The following MACROD2 variants were observed in gnomAD, a reference collection of about 807,000 sequenced individuals.
The protein encoded by MACROD2 is ADP-ribose glycohydrolase MACROD2.
MACROD2 carries 36 observed loss-of-function variants against 70.4 expected under a neutral mutation model. The observed-to-expected ratio is 0.51, with a 90% CI of 0.39 to 0.68. MACROD2 has a LOEUF of 0.68. Among genes scored for constraint, MACROD2 ranks in the 30% least tolerant of loss-of-function variants. The pLI is 0.00. For missense variants in MACROD2, 496 were observed against 538.4 expected, an observed-to-expected ratio of 0.92 and a Z score of 0.78; for synonymous variants, 172 against 178.8, an observed-to-expected ratio of 0.96 and a Z score of 0.30.
chr20:15,065,585 C>T (rs2075567582), intron 5 of MACROD2, among the ~76,000 whole-genome samples: 1 of 147,712 alleles, frequency 6.8e-6, no homozygotes, highest in Non-Finnish European at 1.5e-5. Flanking sequence ...ACCTGGGAGG[C>T]GGAGCTTGCA....
chr20:15,753,487 G>A (rs1217491666), intron 8 of MACROD2, among the ~76,000 whole-genome samples: 1 of 152,162 alleles, frequency 6.6e-6, no homozygotes, highest in Non-Finnish European at 1.5e-5. Flanking sequence ...TGGTGTATAT[G>A]TACCACATTT....
intron 6 of MACROD2, among the ~76,000 whole-genome samples, chr20:15,424,753 C>G (rs920211810): frequency 6.6e-6 from 1 of 152,094 alleles, no homozygotes; most frequent in Non-Finnish European, 1.5e-5. Context: ...GAATGGTATT[C>G]TGAATTTCAT....
At chr20:15,770,084 ATTTTCTTTTT>A (rs1280805037) in intron 8 of MACROD2, among the ~76,000 whole-genome samples, 1 of 125,704 alleles carries the variant, frequency 8.0e-6, no homozygotes, top group Non-Finnish European at 1.6e-5. Context: ...ATTTATTTTA[ATTTTCTTTTT>A]TTTTTTTTTT....
chr20:14,880,748 T>C (rs2073601976), intron 5 of MACROD2, among the ~76,000 whole-genome samples: 1 of 152,192 alleles, frequency 6.6e-6, no homozygotes, highest in Non-Finnish European at 1.5e-5. Context: ...AAAGACAAAC[T>C]GAAAAGAACT....
rs571116214 is a variant in MACROD2 at position 14,319,234 on chromosome 20, C to G, written c.272-174245C>G. 1.3e-3 allele frequency among the ~76,000 whole-genome samples: 203 copies of G among 152,312 alleles called. 1 individual carries two copies. Among genetic ancestry groups the G allele is most frequent in the African/African-American group, 4.7e-3 (194 of 41,568 alleles). ...CTTCATACCAACTCATTCCATCTCT[C>G]TCAGTGACTTTGTTCTCCTAGCTAG... On this transcript the variant is annotated intron_variant, in intron 3 of 17. Transcript: ENST00000684519.
chr20:14,282,152 G>T (rs2122409776), intron 3 of MACROD2, among the ~76,000 whole-genome samples: 1 of 151,960 alleles, frequency 6.6e-6, no homozygotes, highest in South Asian at 2.1e-4. Flanking sequence ...ATATTGTTTT[G>T]GTTGAATTAT....
At chr20:14,018,080 C>A (rs187941439) in intron 2 of MACROD2, among the ~76,000 whole-genome samples, 101 of 152,192 alleles carry the variant, frequency 6.6e-4, no homozygotes, top group Admixed American at 5.5e-3. Flanking sequence ...TTTGGCATAT[C>A]ATTTTTCATT....
At chr20:14,200,022 A>G (rs1453479386) in intron 3 of MACROD2, among the ~76,000 whole-genome samples, 2 of 152,184 alleles carry the variant, frequency 1.3e-5, no homozygotes, top group African/African-American at 2.4e-5. Flanking sequence ...GTGTTTCCCA[A>G]TAGCAAAGAC....
intron 4 of MACROD2, among the ~76,000 whole-genome samples, chr20:14,548,057 G>A (rs1215124471): frequency 6.6e-6 from 1 of 152,136 alleles, no homozygotes; most frequent in East Asian, 1.9e-4. Context: ...TGGTAAAATA[G>A]ACTACACCTC....
chr20:15,906,079 G>A (rs1475920576), intron 10 of MACROD2, among the ~76,000 whole-genome samples: 5 of 152,196 alleles, frequency 3.3e-5, no homozygotes, highest in African/African-American at 1.2e-4. Context: ...AAGTAGATAT[G>A]GGGTTTGAGA....
intron 9 of MACROD2, among the ~76,000 whole-genome samples, chr20:15,874,305 A>G (rs1379844353): frequency 6.6e-6 from 1 of 151,906 alleles, no homozygotes; most frequent in African/African-American, 2.4e-5. Flanking sequence ...TTCTTTATCC[A>G]GTCTATTATT....
intron 6 of MACROD2, among the ~76,000 whole-genome samples, chr20:15,410,533 G>A (rs767082209): frequency 1.8e-4 from 27 of 152,062 alleles, no homozygotes; most frequent in Non-Finnish European, 3.5e-4. Flanking sequence ...AGTCCATTTG[G>A]CAAATATTGT....
chr20:14,615,152 AG>A (rs1441720730), intron 4 of MACROD2, among the ~76,000 whole-genome samples: 2 of 152,090 alleles, frequency 1.3e-5, no homozygotes, highest in African/African-American at 4.8e-5. Flanking sequence ...GTTGGGCTGC[AG>A]GGGGCCAGGT....
rs144061635 is a variant in MACROD2, at chr20:15,236,501, T to C, written c.540+6440T>C. 4.9e-3 allele frequency among the ~76,000 whole-genome samples: 747 copies of C among 152,306 alleles called. 3 individuals are homozygous for C. Among genetic ancestry groups the C allele is most frequent in the African/African-American group, 0.017 (706 of 41,568 alleles). ...TATAGTAATAAGAATAGCAAATGTTTCTGAACTCCCACTTGGTGCCAGGCA... is the reference window on the plus strand; with the variant it reads ...TATAGTAATAAGAATAGCAAATGTTCCTGAACTCCCACTTGGTGCCAGGCA... On this transcript the variant is annotated intron_variant, in intron 6 of 17. Coordinates refer to ENST00000684519, the MANE Select transcript of MACROD2 (RefSeq NM_001351661.2).
intron 3 of MACROD2, among the ~76,000 whole-genome samples, chr20:14,116,289 A>G (rs1039177648): frequency 1.3e-5 from 2 of 152,216 alleles, no homozygotes; most frequent in Non-Finnish European, 2.9e-5. Flanking sequence ...TCTTCTCACT[A>G]TGGTGATTTG....
chr20:14,973,874 G>T (rs1031551982), intron 5 of MACROD2, among the ~76,000 whole-genome samples: 2 of 152,116 alleles, frequency 1.3e-5, no homozygotes, highest in Non-Finnish European at 2.9e-5. Flanking sequence ...AATAGAAAGT[G>T]TCAGTTACTA....
chr20:15,334,032 G>A (rs2423932), intron 6 of MACROD2, among the ~76,000 whole-genome samples: 58,129 of 151,064 alleles, frequency 0.38, 11,727 homozygotes, highest in East Asian at 0.61. Flanking sequence ...TAGGTCCTCA[G>A]TTATCATTCT....
intron 5 of MACROD2, among the ~76,000 whole-genome samples, chr20:14,788,238 G>A (rs915294366): frequency 5.3e-5 from 8 of 152,032 alleles, no homozygotes; most frequent in African/African-American, 9.7e-5. Flanking sequence ...ACTTGCTGCA[G>A]CCTCTGGGGA....
chr20:15,952,198 A>G (rs942229267), intron 12 of MACROD2, among the ~76,000 whole-genome samples: 11 of 152,280 alleles, frequency 7.2e-5, no homozygotes, highest in African/African-American at 2.6e-4. Context: ...CTGTAAGTCC[A>G]TTAAACCTGT....
Sources: gnomAD v4.1 joint callset for allele counts (sites outside exome capture counted in the v4.1 genomes callset) on GRCh38, gnomAD v4.1.1 for gene constraint, MANE v1.5 for transcripts, NCBI Gene and HGNC (gene_info 2026-07-23, HGNC 2026-07-21) for gene names.